Variants in DYNLL2 observed in about 807,000 individuals in gnomAD.
The protein encoded by DYNLL2 is dynein light chain 2, cytoplasmic.
In DYNLL2, 1 loss-of-function variant was observed where a neutral mutation model predicts 9.7. The observed-to-expected ratio is 0.10, with a 90% confidence interval of 0.04 to 0.49. The LOEUF is 0.49. DYNLL2 is among the 20% of genes least tolerant of loss of function. The pLI is 0.95. For missense variants in DYNLL2, 37 were observed against 115.2 expected, an observed-to-expected ratio of 0.32 and a Z score of 3.11; for synonymous variants, 35 against 40.5, an observed-to-expected ratio of 0.86 and a Z score of 0.52.
At position 58,089,168 on chromosome 17, in the gene DYNLL2, C is replaced by G. The variant is rs754153288; in HGVS notation, c.159C>G (p.Thr53=). The G allele has an allele frequency of 6.2e-7, 1 of 1,614,100 alleles. No individual in the cohort carries two copies. Among genetic ancestry groups the G allele is most frequent in the Admixed American group, 1.7e-5 (1 of 60,004 alleles). Residue 53 remains threonine (T), a synonymous_variant, in exon 3 of 3, where the codon ACC becomes ACG. Coordinates refer to ENST00000579991, the MANE Select transcript of DYNLL2 (RefSeq NM_080677.3). ...KKEFDKKYNP[T]WHCIVGRNFG... is the part of the protein sequence containing the mutation. The stretch of plus-strand genomic sequence containing the variant: ...AATTTGACAAGAAATATAACCCTAC[C>G]TGGCATTGTATCGTGGGCCGAAATT...
chr17:58,084,483 C>T (rs1052953538), intron 1 of DYNLL2, among the ~76,000 whole-genome samples: 5 of 152,136 alleles, frequency 3.3e-5, no homozygotes, highest in African/African-American at 1.2e-4. Flanking sequence ...CTGGGGCCCT[C>T]TGGCCATCTT....
At position 58,090,119 on chromosome 17, in the gene DYNLL2, CTGT is replaced by C; in HGVS notation, c.*845_*847del. On this transcript the variant is annotated 3_prime_UTR_variant, in exon 3 of 3. Coordinates refer to ENST00000579991, the MANE Select transcript of DYNLL2 (RefSeq NM_080677.3). ...CTCTGGAGTTCTCTTAGAGCAGCCC[CTGT>C]TGTTAGTTGGCTGGCAAGGGAATTT... 1 of 390,998 alleles carries C rather than the reference CTGT, an allele frequency of 2.6e-6. No individual in the cohort carries two copies. The allele number at this position is 390,998 out of a possible 1,614,324, so 24.2% of individuals were successfully genotyped here. A position where few individuals can be genotyped will look rare whatever the true frequency, so the allele number is the denominator to read the frequency against.
chr17:58,093,216 GAA>G lies in DYNLL2; in HGVS notation c.*3938_*3939del, dbSNP rs1419239020. 2 of 152,226 alleles carry G rather than the reference GAA, an allele frequency of 1.3e-5. No individual in the cohort carries two copies. Among genetic ancestry groups the G allele is most frequent in the Non-Finnish European group, 2.9e-5 (2 of 68,050 alleles). The allele number at this position is 152,226 out of a possible 1,614,324, so 9.4% of individuals were successfully genotyped here. A position where few individuals can be genotyped will look rare whatever the true frequency, so the allele number is the denominator to read the frequency against. On this transcript the variant is annotated 3_prime_UTR_variant, in exon 3 of 3. Transcript: ENST00000579991. ...AGGGCAGCCTTGCCTTTTCTGAAGA[GAA>G]TGGCTGCCTTAGGCACGGCTCTCCT...
Position 58,092,090 on chromosome 17 carries a change from G to A in DYNLL2, c.*2811G>A, listed in dbSNP as rs2075782227. ...ATTGAGTGTTGGAGGTAGGTAGATA[G>A]GGTTCCTCCAGTTAGGAAGGTGGTT... On this transcript the variant is annotated 3_prime_UTR_variant, in exon 3 of 3. Transcript: ENST00000579991. 3 of 152,254 alleles carry A rather than the reference G, an allele frequency of 2.0e-5. No homozygotes were observed. The highest frequency in any genetic ancestry group is 1.3e-4 in the Admixed American group (2 of 15,284). 9.4% of individuals were successfully genotyped at this position (152,254 alleles called of 1,614,324 possible).
At position 58,095,430 on chromosome 17, in the gene DYNLL2, CTG is replaced by C. The variant is rs962463466; in HGVS notation, c.*6153_*6154del. ...AAAGCAAAAATTCTCCCTCCCACCT[CTG>C]TCTTCCAGCTACGGGGTTACCTTCC... On this transcript the variant is annotated 3_prime_UTR_variant, in exon 3 of 3. Transcript: ENST00000579991. 1 of 152,238 alleles carries C rather than the reference CTG, an allele frequency of 6.6e-6. No homozygotes were observed. The highest frequency in any genetic ancestry group is 1.5e-5 in the Non-Finnish European group (1 of 68,050). The allele number at this position is 152,238 out of a possible 1,614,324, so 9.4% of individuals were successfully genotyped here.
rs2075786344 is a variant in DYNLL2 at position 58,093,140 on chromosome 17, C to T, written c.*3861C>T. On this transcript the variant is annotated 3_prime_UTR_variant, in exon 3 of 3. Transcript: ENST00000579991. The stretch of plus-strand genomic sequence containing the variant: ...GGAAGTGTTTGATACATACAGATTG[C>T]TCAAATGAAAAAAGAAGGGTGCGAG... 6.6e-6 allele frequency: 1 copy of T among 152,176 alleles called. No individual in the cohort carries two copies. Among genetic ancestry groups the T allele is most frequent in the Non-Finnish European group, 1.5e-5 (1 of 68,034 alleles). The allele number at this position is 152,176 out of a possible 1,614,324, so 9.4% of individuals were successfully genotyped here. A position where few individuals can be genotyped will look rare whatever the true frequency, so the allele number is the denominator to read the frequency against.
At chr17:58,084,271 G>A (rs2075749548) in intron 1 of DYNLL2, among the ~76,000 whole-genome samples, 1 of 152,224 alleles carries the variant, frequency 6.6e-6, no homozygotes, top group Non-Finnish European at 1.5e-5. Flanking sequence ...GGATGGGATA[G>A]TGGAGGGATA....
intron 1 of DYNLL2, among the ~76,000 whole-genome samples, chr17:58,085,766 C>T (rs776035994): frequency 4.6e-5 from 7 of 152,232 alleles, no homozygotes; most frequent in African/African-American, 9.6e-5. Context: ...CTTTCTTAGG[C>T]ACCTTTTTAA....
At chr17:58,087,581 G>A (rs1377222610) in intron 2 of DYNLL2, among the ~76,000 whole-genome samples, 4 of 152,196 alleles carry the variant, frequency 2.6e-5, no homozygotes, top group African/African-American at 9.7e-5. Context: ...ATATTTGAAA[G>A]AATAAGATGT....
rs1015698433 is a variant in DYNLL2, at chr17:58,093,642, T to G, written c.*4363T>G. The G allele has an allele frequency of 2.6e-5, 4 of 152,158 alleles. No individual in the cohort carries two copies. Among genetic ancestry groups the G allele is most frequent in the African/African-American group, 9.7e-5 (4 of 41,404 alleles). The allele number at this position is 152,158 out of a possible 1,614,324, so 9.4% of individuals were successfully genotyped here. On this transcript the variant is annotated 3_prime_UTR_variant, in exon 3 of 3. Transcript: ENST00000579991. ...TCCCTGATGTTCCCTCTCTTGGGGCTCTGGTTTAGCAAGGACAGCGAGGAT... is the reference window on the plus strand; with the variant it reads ...TCCCTGATGTTCCCTCTCTTGGGGCGCTGGTTTAGCAAGGACAGCGAGGAT...
intron 2 of DYNLL2, among the ~76,000 whole-genome samples, chr17:58,087,998 A>C (rs1250339905): frequency 3.3e-5 from 5 of 152,160 alleles, no homozygotes; most frequent in Non-Finnish European, 1.5e-5. Context: ...TGGTCCATTG[A>C]AGTGGAAGTG....
At chr17:58,088,882 C>G (rs919480369) in intron 2 of DYNLL2, among the ~76,000 whole-genome samples, 2 of 151,928 alleles carry the variant, frequency 1.3e-5, no homozygotes, top group African/African-American at 4.8e-5. Flanking sequence ...GAGAGATGAT[C>G]AGGGTGTAGA....
Position 58,093,149 on chromosome 17 carries a change from AAAAAG to A in DYNLL2, c.*3873_*3877del, listed in dbSNP as rs2075786369. The A allele has an allele frequency of 6.6e-6, 1 of 152,206 alleles. No homozygotes were observed. Among genetic ancestry groups the A allele is most frequent in the Non-Finnish European group, 1.5e-5 (1 of 68,036 alleles). 9.4% of individuals were successfully genotyped at this position (152,206 alleles called of 1,614,324 possible). A position where few individuals can be genotyped will look rare whatever the true frequency, so the allele number is the denominator to read the frequency against. On this transcript the variant is annotated 3_prime_UTR_variant, in exon 3 of 3. Coordinates refer to ENST00000579991, the MANE Select transcript of DYNLL2 (RefSeq NM_080677.3). Reference sequence around the variant, plus strand: ...TGATACATACAGATTGCTCAAATGAAAAAAGAAGGGTGCGAGCAAGCCTGGACAGG... The same window carrying A: ...TGATACATACAGATTGCTCAAATGAAAAGGGTGCGAGCAAGCCTGGACAGG...
rs1171162268 is a variant in DYNLL2, at chr17:58,094,921, C to T, written c.*5642C>T. On this transcript the variant is annotated 3_prime_UTR_variant, in exon 3 of 3. Coordinates refer to ENST00000579991, the MANE Select transcript of DYNLL2 (RefSeq NM_080677.3). ...TTTTCAAGGTTCATTTGTGCTGTAG[C>T]ATTTATCAGTACTTTGTTCCTTTTT... 6.6e-6 allele frequency: 1 copy of T among 152,172 alleles called. No homozygotes were observed. Among genetic ancestry groups the T allele is most frequent in the African/African-American group, 2.4e-5 (1 of 41,428 alleles). The allele number at this position is 152,172 out of a possible 1,614,324, so 9.4% of individuals were successfully genotyped here. A position where few individuals can be genotyped will look rare whatever the true frequency, so the allele number is the denominator to read the frequency against.
chr17:58,087,363 A>G lies in DYNLL2; in HGVS notation c.132+141A>G, dbSNP rs150398306. On this transcript the variant is annotated intron_variant, in intron 2 of 2. Coordinates refer to ENST00000579991, the MANE Select transcript of DYNLL2 (RefSeq NM_080677.3). ...ACCCTAGGAACTTGCAAAGCAGACA[A>G]ACTAGCGAGTGATTCCGAATTGCCC... 4.3e-4 allele frequency: 539 copies of G among 1,239,910 alleles called. 2 individuals carry two copies. In the African/African-American group the frequency reaches 5.4e-3, roughly 12 times the overall value. The allele number at this position is 1,239,910 out of a possible 1,614,324, so 76.8% of individuals were successfully genotyped here.
Position 58,093,660 on chromosome 17 carries a change from G to A in DYNLL2, c.*4381G>A, listed in dbSNP as rs1329245306. ...TTGGGGCTCTGGTTTAGCAAGGACA[G>A]CGAGGATACTTTCCTCTCTCCCTCC... On this transcript the variant is annotated 3_prime_UTR_variant, in exon 3 of 3. Transcript: ENST00000579991. The A allele has an allele frequency of 6.6e-6, 1 of 152,142 alleles. No individual in the cohort carries two copies. Among genetic ancestry groups the A allele is most frequent in the Non-Finnish European group, 1.5e-5 (1 of 68,044 alleles). The allele number at this position is 152,142 out of a possible 1,614,324, so 9.4% of individuals were successfully genotyped here.
intron 1 of DYNLL2, among the ~76,000 whole-genome samples, chr17:58,085,177 C>T (rs1486319983): frequency 6.6e-6 from 1 of 152,174 alleles, no homozygotes; most frequent in African/African-American, 2.4e-5. Flanking sequence ...TACCTCTTTG[C>T]TCTGCCAGTT....
At position 58,092,571 on chromosome 17, in the gene DYNLL2, A is replaced by G. The variant is rs1398201592; in HGVS notation, c.*3292A>G. ...TAGAACTGTGCCCATAGGAGCATCA[A>G]TATCCCTGCTCCTTGTATCCTGTTC... On this transcript the variant is annotated 3_prime_UTR_variant, in exon 3 of 3. Transcript: ENST00000579991. 2 of 152,228 alleles carry G rather than the reference A, an allele frequency of 1.3e-5. No individual in the cohort carries two copies. Among genetic ancestry groups the G allele is most frequent in the Admixed American group, 6.5e-5 (1 of 15,286 alleles). 9.4% of individuals were successfully genotyped at this position (152,228 alleles called of 1,614,324 possible). A position where few individuals can be genotyped will look rare whatever the true frequency, so the allele number is the denominator to read the frequency against.
In DYNLL2 at chr17:58,094,829, C is replaced by T. The variant is rs1239152013; in HGVS notation, c.*5550C>T. The T allele has an allele frequency of 6.6e-6, 1 of 152,216 alleles. No individual in the cohort carries two copies. Among genetic ancestry groups the T allele is most frequent in the African/African-American group, 2.4e-5 (1 of 41,448 alleles). The allele number at this position is 152,216 out of a possible 1,614,324, so 9.4% of individuals were successfully genotyped here. ...TTATATCTCTATGAATTTGCCTAAT[C>T]TGGACATTTCATATAAATGCAATTG... On this transcript the variant is annotated 3_prime_UTR_variant, in exon 3 of 3. Transcript: ENST00000579991.
Sources: allele counts gnomAD v4.1 joint callset (sites outside exome capture counted in the v4.1 genomes callset), GRCh38; gene constraint gnomAD v4.1.1; transcripts MANE v1.5; gene names NCBI Gene and HGNC (gene_info 2026-07-23, HGNC 2026-07-21).